Variants in IKBKB observed in about 807,000 individuals in gnomAD.
IKBKB encodes the protein inhibitor of nuclear factor kappa B kinase subunit beta.
A neutral mutation model predicts 113.6 loss-of-function variants in IKBKB; 42 were observed. The ratio of observed to expected loss-of-function variants is 0.37; its 90% CI spans 0.29 to 0.48. The LOEUF (loss-of-function observed/expected upper bound fraction) is 0.48. Ranked by LOEUF, IKBKB falls within the 20% of genes least tolerant of loss-of-function variation. The probability of loss-of-function intolerance (pLI) is 0.99; values close to 1 mark genes in which losing one functional copy is unlikely to be tolerated. For synonymous variants in IKBKB, 296 were observed against 361.3 expected (o/e 0.82, Z 2.05); for missense variants, 673 against 939.7 (o/e 0.72, Z 3.71).
intron 19 of IKBKB, chr8:42,325,668 A>G (rs1409230442): frequency 8.9e-7 from 1 of 1,124,374 alleles, no homozygotes; most frequent in African/African-American, 1.7e-5. Context: ...ACAGAGCAAG[A>G]CTCTCAATCA....
intron 5 of IKBKB, among the ~76,000 whole-genome samples, chr8:42,303,092 TGAGAGA>T (rs763171765): frequency 0.038 from 2,685 of 70,176 alleles, 117 homozygotes; most frequent in South Asian, 0.22. Flanking sequence ...AGAGAGAGAA[TGAGAGA>T]GAGAGAGAGA....
At chr8:42,295,228 C>T (rs563430627) in intron 5 of IKBKB, among the ~76,000 whole-genome samples, 28 of 151,600 alleles carry the variant, frequency 1.8e-4, no homozygotes, top group African/African-American at 5.8e-4. Flanking sequence ...AAGCGATTCT[C>T]CTCCATGAGC....
At chr8:42,312,043 C>T (rs1289167620) in intron 8 of IKBKB, among the ~76,000 whole-genome samples, 2 of 152,220 alleles carry the variant, frequency 1.3e-5, no homozygotes, top group African/African-American at 2.4e-5. Context: ...CCCGCCACCA[C>T]GCCTGGCTAA....
At chr8:42,281,164 A>G (rs973038929) in intron 2 of IKBKB, among the ~76,000 whole-genome samples, 1 of 152,116 alleles carries the variant, frequency 6.6e-6, no homozygotes, top group Non-Finnish European at 1.5e-5. Context: ...ACGCTGGGGA[A>G]GGGAGGCTTC....
intron 8 of IKBKB, among the ~76,000 whole-genome samples, chr8:42,313,429 C>T (rs958823104): frequency 4.0e-5 from 6 of 151,536 alleles, no homozygotes; most frequent in Admixed American, 3.3e-4. Flanking sequence ...CCAGCCTGGG[C>T]GACAGAAAAA....
At chr8:42,280,127 C>A (rs908429475) in intron 2 of IKBKB, among the ~76,000 whole-genome samples, 1 of 152,208 alleles carries the variant, frequency 6.6e-6, no homozygotes, top group African/African-American at 2.4e-5. Context: ...GGATTTCAGG[C>A]ATGAGCCACT....
rs1413845905 is a variant in IKBKB at position 42,316,091 on chromosome 8, C to A, written c.801-119C>A. 14 of 1,063,598 alleles carry A rather than the reference C, an allele frequency of 1.3e-5. No homozygotes were observed. The highest frequency in any genetic ancestry group is 1.6e-5 in the Non-Finnish European group (12 of 738,890). The allele number at this position is 1,063,598 out of a possible 1,614,324, so 65.9% of individuals were successfully genotyped here. A position where few individuals can be genotyped will look rare whatever the true frequency, so the allele number is the denominator to read the frequency against. ...AAATGTTTATACTGTTTCTGATAAACCCATTTTCATTTTCAATCACCGTCT... is the reference window on the plus strand; with the variant it reads ...AAATGTTTATACTGTTTCTGATAAAACCATTTTCATTTTCAATCACCGTCT... On this transcript the variant is annotated intron_variant, in intron 9 of 21. Coordinates refer to ENST00000520810, the MANE Select transcript of IKBKB (RefSeq NM_001556.3). This position sits in a 1 kb window ranked among gnomAD's most constrained non-coding sequence, Gnocchi z 4.5.
Position 42,316,229 on chromosome 8 carries a change from G to C in IKBKB, c.820G>C (p.Glu274Gln). The C allele has an allele frequency of 6.2e-7, 1 of 1,614,168 alleles. No homozygotes were observed. Among genetic ancestry groups the C allele is most frequent in the Non-Finnish European group, 8.5e-7 (1 of 1,180,010 alleles). Residue 274 changes from glutamate to glutamine, a missense_variant, in exon 10 of 22, where the codon GAG becomes CAG. This residue lies in a region of IKBKB where 506 missense variants were observed against 638.7 expected (regional missense o/e 0.79). Coordinates refer to ENST00000520810, the MANE Select transcript of IKBKB (RefSeq NM_001556.3). The surrounding 1 kb of genome is among the most constrained non-coding windows in gnomAD (Gnocchi z 4.5). ...NLNSVLAERLEKWLQLMLMWH... is the reference protein window; with the variant it reads ...NLNSVLAERLQKWLQLMLMWH... ...CCACAGTGTCCTGGCTGAGCGACTG[G>C]AGAAGTGGCTGCAACTGATGCTGAT...
intron 2 of IKBKB, among the ~76,000 whole-genome samples, chr8:42,286,338 G>T (rs892468438): frequency 6.6e-6 from 1 of 152,062 alleles, no homozygotes; most frequent in African/African-American, 2.4e-5. Context: ...GTATGTGGAG[G>T]TTTCCATTTT....
chr8:42,317,577 A>G, intron 11 of IKBKB, 80 bp from the exon 12 acceptor site: 1 of 920,678 alleles, frequency 1.1e-6, no homozygotes, highest in East Asian at 2.4e-5. Context: ...CAGTGGGGAA[A>G]GCTGTGGAAC....
chr8:42,322,238 TG>T, intron 18 of IKBKB, 85 bp downstream of exon 18: 1 of 1,555,490 alleles, frequency 6.4e-7, no homozygotes, highest in Non-Finnish European at 8.9e-7. Flanking sequence ...TCTGATTCGC[TG>T]GACCTCATGA....
At chr8:42,298,081 T>A in intron 5 of IKBKB, 1 of 985,292 alleles carries the variant, frequency 1.0e-6, no homozygotes, top group Non-Finnish European at 1.2e-6. Context: ...AAGGAAGTTA[T>A]ATGTGAGTGG....
At chr8:42,326,875 G>T (rs11992861) in intron 20 of IKBKB, among the ~76,000 whole-genome samples, 1,898 of 152,194 alleles carry the variant, frequency 0.012, 41 homozygotes, top group African/African-American at 0.043. Flanking sequence ...GTTTTGTTTT[G>T]TTTGACACCT....
chr8:42,309,089 C>T (rs938785483), intron 8 of IKBKB, 64 bp downstream of exon 8: 58 of 1,523,822 alleles, frequency 3.8e-5, no homozygotes, highest in Non-Finnish European at 5.1e-5. Flanking sequence ...CTTCACGTAC[C>T]CTGTTTCCCT....
chr8:42,288,948 G>A (rs1811998127), intron 3 of IKBKB, among the ~76,000 whole-genome samples: 1 of 151,726 alleles, frequency 6.6e-6, no homozygotes, highest in African/African-American at 2.4e-5. Flanking sequence ...CCGGGCATGG[G>A]TGGGCGCCTG....
At chr8:42,325,166 C>T (rs886280547) in intron 19 of IKBKB, 15 of 949,488 alleles carry the variant, frequency 1.6e-5, no homozygotes, top group African/African-American at 1.4e-4. Flanking sequence ...GGCCGGCGGT[C>T]GTGGGCTGTG....
At chr8:42,271,945 T>C (rs1264181441) in intron 1 of IKBKB, 138 bp from the exon 2 acceptor site, 17 of 961,356 alleles carry the variant, frequency 1.8e-5, no homozygotes, top group Non-Finnish European at 2.4e-5. Context: ...CACATTGGTT[T>C]CTTTACAAAA....
intron 2 of IKBKB, among the ~76,000 whole-genome samples, chr8:42,276,429 T>G (rs1809106086): frequency 6.6e-6 from 1 of 152,208 alleles, no homozygotes; most frequent in Non-Finnish European, 1.5e-5. Context: ...TTTGAAAAAT[T>G]GGATTATTTA....
intron 19 of IKBKB, chr8:42,325,087 C>G (rs1039123909): frequency 3.5e-5 from 9 of 257,976 alleles, no homozygotes; most frequent in African/African-American, 2.1e-4. Flanking sequence ...GGTGTGGGGC[C>G]TGGGGGGCTA....
Sources: gnomAD v4.1 joint callset for allele counts (sites outside exome capture counted in the v4.1 genomes callset) on GRCh38, gnomAD v4.1.1 for gene constraint, gnomAD v4.1.1 regional missense constraint, Gnocchi (gnomAD v3.1) non-coding constraint, MANE v1.5 for transcripts, NCBI Gene and HGNC (gene_info 2026-07-23, HGNC 2026-07-21) for gene names.